The following ZNF705B variants were observed in gnomAD, a reference collection of about 807,000 sequenced individuals.
ZNF705B encodes zinc finger protein 705B.
In ZNF705B, 1 loss-of-function variant was observed where a neutral mutation model predicts 10.5. That is an observed-to-expected ratio of 0.10 (90% confidence interval 0.03 to 0.45). The LOEUF (loss-of-function observed/expected upper bound fraction) is 0.45, where lower values mean the gene tolerates loss of function less well. ZNF705B is among the 20% of genes least tolerant of loss of function. ZNF705B has a pLI of 0.97. For synonymous variants in ZNF705B, 4 were observed against 25.4 expected (o/e 0.16, Z 2.53); for missense variants, 14 against 84.0 (o/e 0.17, Z 3.26).
intron 2 of ZNF705B, among the ~76,000 whole-genome samples, chr8:7,932,004 G>C (rs1260173393): frequency 1.7e-5 from 2 of 120,584 alleles, no homozygotes; most frequent in African/African-American, 2.5e-5. Context: ...AGTCTTTTGG[G>C]GGCTGGGCTC....
Position 7,927,376 on chromosome 8 carries a change from C to A in ZNF705B, c.-222+979C>A, listed in dbSNP as rs571981133. Among the ~76,000 whole-genome samples, 17 of 121,052 alleles carry A rather than the reference C, an allele frequency of 1.4e-4. 2 individuals are homozygous for A. In the East Asian group the frequency reaches 3.5e-3, roughly 25 times the overall value. The allele number at this position is 121,052 out of a possible 152,430, so 79.4% of individuals were successfully genotyped here. A position where few individuals can be genotyped will look rare whatever the true frequency, so the allele number is the denominator to read the frequency against. On this transcript the variant is annotated intron_variant, in intron 1 of 6. Coordinates refer to ENST00000400120, the MANE Select transcript of ZNF705B (RefSeq NM_001193630.1). ...GTATCCAGAAGTTGACTTAAAAGTT[C>A]CTCTTACAGGTTAGGTTCATTTGCA...
chr8:7,931,365 C>T lies in ZNF705B; in HGVS notation c.-72+929C>T, dbSNP rs4330717. Among the ~76,000 whole-genome samples, 6 of 121,384 alleles carry T rather than the reference C, an allele frequency of 4.9e-5. 1 individual carries two copies. Among genetic ancestry groups the T allele is most frequent in the African/African-American group, 1.3e-4 (5 of 39,860 alleles). The allele number at this position is 121,384 out of a possible 152,430, so 79.6% of individuals were successfully genotyped here. ...CAAATATGTGGGCACTGGTGACAGC[C>T]GTGATGGCAGGATGGGAAGTCCTAT... is the stretch of plus-strand genomic sequence containing the variant. On this transcript the variant is annotated intron_variant, in intron 2 of 6. Transcript: ENST00000400120.
chr8:7,933,929 CTTTTTTTTT>C (rs1162997944), intron 2 of ZNF705B, among the ~76,000 whole-genome samples: 2 of 29,366 alleles, frequency 6.8e-5, no homozygotes, highest in African/African-American at 7.8e-5. Context: ...GTAATATAAA[CTTTTTTTTT>C]TTTTTTTTTT....
At chr8:7,930,852 T>G (rs566094238) in intron 2 of ZNF705B, among the ~76,000 whole-genome samples, 15 of 107,856 alleles carry the variant, frequency 1.4e-4, no homozygotes, top group African/African-American at 1.8e-4. Context: ...TTTTGTTTTT[T>G]TTTTTGTTGT....
chr8:7,929,338 A>G (rs1386481041), intron 1 of ZNF705B, among the ~76,000 whole-genome samples: 1 of 121,632 alleles, frequency 8.2e-6, no homozygotes, highest in Admixed American at 9.3e-5. Flanking sequence ...GAATGGAAGA[A>G]ATAAAAAATG....
rs1819820756 is a variant in ZNF705B, at chr8:7,930,788, G to T, written c.-72+352G>T. Among the ~76,000 whole-genome samples the T allele has an allele frequency of 1.8e-5, 2 of 114,042 alleles. 1 individual carries two copies. Among genetic ancestry groups the T allele is most frequent in the South Asian group, 6.2e-4 (2 of 3,228 alleles). The allele number at this position is 114,042 out of a possible 152,430, so 74.8% of individuals were successfully genotyped here. ...AACACTAATACTAATAACAAATAAT[G>T]CTGACCACTTTCTGTTTACCAGACA... is the stretch of plus-strand genomic sequence containing the variant. On this transcript the variant is annotated intron_variant, in intron 2 of 6. Transcript: ENST00000400120.
intron 1 of ZNF705B, among the ~76,000 whole-genome samples, chr8:7,929,885 G>A (rs1172542397): frequency 9.4e-5 from 1 of 10,634 alleles, no homozygotes; most frequent in Admixed American, 2.4e-3. Flanking sequence ...GTAGAAATTG[G>A]CTAAAATAAA....
At chr8:7,927,339 G>C (rs1214442849) in intron 1 of ZNF705B, among the ~76,000 whole-genome samples, 1 of 121,058 alleles carries the variant, frequency 8.3e-6, no homozygotes, top group African/African-American at 2.5e-5. Context: ...GTAGTATCTT[G>C]TGTGATTTCA....
At chr8:7,940,907 T>C (rs1162997771) in intron 2 of ZNF705B, among the ~76,000 whole-genome samples, 1 of 147,974 alleles carries the variant, frequency 6.8e-6, no homozygotes, top group East Asian at 2.0e-4. Flanking sequence ...TTCTCACCGT[T>C]CTGCTCCCAC....
rs867016231 is a variant in ZNF705B at position 7,940,581 on chromosome 8, C to A, written c.-71-6770C>A. 1.6e-3 allele frequency among the ~76,000 whole-genome samples: 206 copies of A among 131,068 alleles called. 1 individual carries two copies. Among genetic ancestry groups the A allele is most frequent in the South Asian group, 4.2e-3 (17 of 4,020 alleles). 86.0% of individuals were successfully genotyped at this position (131,068 alleles called of 152,430 possible). A position where few individuals can be genotyped will look rare whatever the true frequency, so the allele number is the denominator to read the frequency against. On this transcript the variant is annotated intron_variant, in intron 2 of 6. Coordinates refer to ENST00000400120, the MANE Select transcript of ZNF705B (RefSeq NM_001193630.1). The stretch of plus-strand genomic sequence containing the variant: ...TATATCTGAAACTTTGTGCTCTAAC[C>A]ACATCTACCCATTTCCCCAGCACCA...
In ZNF705B at chr8:7,932,753, A is replaced by G. The variant is rs561806755; in HGVS notation, c.-72+2317A>G. Among the ~76,000 whole-genome samples the G allele has an allele frequency of 2.1e-4, 24 of 116,774 alleles. 2 individuals are homozygous for G. In the Admixed American group the frequency reaches 2.4e-3, roughly 12 times the overall value. The allele number at this position is 116,774 out of a possible 152,430, so 76.6% of individuals were successfully genotyped here. On this transcript the variant is annotated intron_variant, in intron 2 of 6. Transcript: ENST00000400120. ...ACATTGTTTCTTGGCCAAATCAGGCATAGTGAAAAATAAAATCCAGCTAAC... is the reference window on the plus strand; with the variant it reads ...ACATTGTTTCTTGGCCAAATCAGGCGTAGTGAAAAATAAAATCCAGCTAAC...
In ZNF705B at chr8:7,932,622, C is replaced by T. The variant is rs576598503; in HGVS notation, c.-72+2186C>T. ...CAAAAATGCACTGAGGAAAACTTGG[C>T]ACTTCCATAGGGTTGAGTTGGTTGG... On this transcript the variant is annotated intron_variant, in intron 2 of 6. Transcript: ENST00000400120. Among the ~76,000 whole-genome samples the T allele has an allele frequency of 3.0e-3, 363 of 121,690 alleles. 16 individuals carry two copies. Among genetic ancestry groups the T allele is most frequent in the Non-Finnish European group, 4.9e-3 (247 of 50,670 alleles). 79.8% of individuals were successfully genotyped at this position (121,690 alleles called of 152,430 possible).
intron 1 of ZNF705B, among the ~76,000 whole-genome samples, chr8:7,928,749 C>CAAAAAAAAAAA (rs548498381): frequency 1.7e-4 from 9 of 52,304 alleles, no homozygotes; most frequent in Admixed American, 6.5e-4. Flanking sequence ...AACCAGGTAG[C>CAAAAAAAAAAA]AAAAAAAAAA....
chr8:7,940,935 C>T (rs1259020442), intron 2 of ZNF705B, among the ~76,000 whole-genome samples: 14 of 148,610 alleles, frequency 9.4e-5, no homozygotes, highest in African/African-American at 3.2e-4. Flanking sequence ...TTAGAACGTG[C>T]AGTGCTTGGT....
chr8:7,936,922 T>A (rs1159364379), intron 2 of ZNF705B, among the ~76,000 whole-genome samples: 1 of 120,012 alleles, frequency 8.3e-6, no homozygotes, highest in African/African-American at 2.6e-5. Context: ...AAAATTATGA[T>A]GTACCATTGT....
rs545311754 is a variant in ZNF705B at position 7,928,745 on chromosome 8, G to A, written c.-221-1542G>A. 2.3e-3 allele frequency among the ~76,000 whole-genome samples: 37 copies of A among 16,336 alleles called. 5 individuals carry two copies. Among genetic ancestry groups the A allele is most frequent in the Non-Finnish European group, 7.7e-3 (30 of 3,886 alleles). 10.7% of individuals were successfully genotyped at this position (16,336 alleles called of 152,430 possible). A position where few individuals can be genotyped will look rare whatever the true frequency, so the allele number is the denominator to read the frequency against. Reference sequence around the variant, plus strand: ...GCCTAGAATTATCGCTTTTAACCAGGTAGCAAAAAAAAAAAAAAAAATCAA... The same window carrying A: ...GCCTAGAATTATCGCTTTTAACCAGATAGCAAAAAAAAAAAAAAAAATCAA... On this transcript the variant is annotated intron_variant, in intron 1 of 6. Transcript: ENST00000400120.
At chr8:7,930,077 C>T (rs1159436515) in intron 1 of ZNF705B, among the ~76,000 whole-genome samples, 2 of 107,016 alleles carry the variant, frequency 1.9e-5, no homozygotes. Flanking sequence ...GAGTATGGAT[C>T]TCATTACCCT....
At chr8:7,932,143 T>A (rs1441960868) in intron 2 of ZNF705B, among the ~76,000 whole-genome samples, 1 of 121,196 alleles carries the variant, frequency 8.3e-6, no homozygotes, top group African/African-American at 2.5e-5. Context: ...TCTCAGGGCC[T>A]GCAAGGGCTG....
rs1426105832 is a variant in ZNF705B at position 7,941,529 on chromosome 8, GT to G, written c.-71-5817del. On this transcript the variant is annotated intron_variant, in intron 2 of 6. Coordinates refer to ENST00000400120, the MANE Select transcript of ZNF705B (RefSeq NM_001193630.1). ...AGGTATCAGGTGATATTTCATGGTG[GT>G]TTTTATCTGCATCCCCCTGATGATT... Among the ~76,000 whole-genome samples the G allele has an allele frequency of 3.2e-4, 23 of 70,772 alleles. 2 individuals carry two copies. The highest frequency in any genetic ancestry group is 8.7e-4 in the African/African-American group (23 of 26,354). The allele number at this position is 70,772 out of a possible 152,430, so 46.4% of individuals were successfully genotyped here.
Sources: allele counts gnomAD v4.1 joint callset (sites outside exome capture counted in the v4.1 genomes callset), GRCh38; gene constraint gnomAD v4.1.1; transcripts MANE v1.5; gene names NCBI Gene and HGNC (gene_info 2026-07-23, HGNC 2026-07-21).